BNC2: variants seen among roughly 807,000 people sequenced by gnomAD.
BNC2 encodes basonuclin zinc finger protein 2.
Under a neutral mutation model 76.3 loss-of-function variants are expected in BNC2, and 20 were observed. The observed-to-expected ratio is 0.26, with a 90% CI of 0.18 to 0.38. The LOEUF (loss-of-function observed/expected upper bound fraction) is 0.38. Among genes scored for constraint, BNC2 ranks in the 10% least tolerant of loss-of-function variants. BNC2 has a pLI of 1.00. For synonymous variants in BNC2, 582 were observed against 514.8 expected, an observed-to-expected ratio of 1.13 and a Z score of -1.77; for missense variants, 1,382 against 1,399.8, an observed-to-expected ratio of 0.99 and a Z score of 0.20.
At chr9:16,677,652 C>T (rs967686791) in intron 3 of BNC2, among the ~76,000 whole-genome samples, 2 of 150,438 alleles carry the variant, frequency 1.3e-5, no homozygotes, top group Admixed American at 6.6e-5. Context: ...ACTTCAAACA[C>T]GTCTCAAGTT....
At chr9:16,743,402 C>T (rs1353220301) in intron 1 of BNC2, among the ~76,000 whole-genome samples, 1 of 152,162 alleles carries the variant, frequency 6.6e-6, no homozygotes, top group Non-Finnish European at 1.5e-5. Flanking sequence ...CCTGGTTCTA[C>T]CCCTCTGAAA....
intron 5 of BNC2, among the ~76,000 whole-genome samples, chr9:16,458,633 A>T (rs1446209694): frequency 2.6e-5 from 4 of 152,256 alleles, no homozygotes; most frequent in Non-Finnish European, 5.9e-5. Context: ...TGTACAAAAA[A>T]CATTTCCTAC....
intron 4 of BNC2, among the ~76,000 whole-genome samples, chr9:16,580,621 C>T (rs1286948220): frequency 6.6e-6 from 1 of 152,050 alleles, no homozygotes; most frequent in African/African-American, 2.4e-5. Context: ...ATGTAATATG[C>T]ACATGGACAT....
In BNC2 at chr9:16,410,857, A is replaced by C. The variant is rs1047659862; in HGVS notation, c.*8132T>G. The C allele has an allele frequency of 6.6e-6, 1 of 152,248 alleles. No individual in the cohort carries two copies. Among genetic ancestry groups the C allele is most frequent in the Non-Finnish European group, 1.5e-5 (1 of 68,084 alleles). The allele number at this position is 152,248 out of a possible 1,614,324, so 9.4% of individuals were successfully genotyped here. ...GCAAAAATACTCCAAATTGGGGACTAGATTTAAAAAAAGAAACAGCCTTGG... is the reference window on the plus strand; with the variant it reads ...GCAAAAATACTCCAAATTGGGGACTCGATTTAAAAAAAGAAACAGCCTTGG... On this transcript the variant is annotated 3_prime_UTR_variant, in exon 7 of 7. Coordinates refer to ENST00000380672, the MANE Select transcript of BNC2 (RefSeq NM_017637.6).
At chr9:16,599,776 C>G (rs1403045689) in intron 3 of BNC2, among the ~76,000 whole-genome samples, 1 of 152,074 alleles carries the variant, frequency 6.6e-6, no homozygotes, top group Non-Finnish European at 1.5e-5. Flanking sequence ...GAGCGAGTCT[C>G]CATGTCAAAA....
At position 16,515,303 on chromosome 9, in the gene BNC2, G is replaced by A. The variant is rs190955274; in HGVS notation, c.669+37227C>T. Among the ~76,000 whole-genome samples the A allele has an allele frequency of 2.3e-4, 35 of 152,292 alleles. 1 individual carries two copies. The highest frequency in any genetic ancestry group is 1.9e-3 in the Admixed American group (29 of 15,298). On this transcript the variant is annotated intron_variant, in intron 5 of 6. Transcript: ENST00000380672. ...ACCTGAACACTGCATCCCTGCGCCC[G>A]GTGAGAAGAGGATCAATGACTGTGT...
intron 3 of BNC2, among the ~76,000 whole-genome samples, chr9:16,612,427 T>A (rs1820574551): frequency 6.6e-6 from 1 of 152,148 alleles, no homozygotes; most frequent in South Asian, 2.1e-4. Flanking sequence ...CATATTTCCA[T>A]TTTCCATCCT....
chr9:16,855,318 T>G (rs192943105), intron 1 of BNC2, among the ~76,000 whole-genome samples: 80 of 152,354 alleles, frequency 5.3e-4, no homozygotes, highest in African/African-American at 1.8e-3. Context: ...TACCAGTGAA[T>G]TTTGTGCTCT....
intron 5 of BNC2, among the ~76,000 whole-genome samples, chr9:16,462,679 G>A (rs1438568281): frequency 3.3e-5 from 5 of 152,114 alleles, no homozygotes; most frequent in Non-Finnish European, 4.4e-5. Context: ...TGGAAATGGC[G>A]GGGGAGACAG....
intron 3 of BNC2, among the ~76,000 whole-genome samples, chr9:16,679,698 T>C (rs1247697711): frequency 1.3e-5 from 2 of 152,192 alleles, no homozygotes; most frequent in African/African-American, 4.8e-5. Context: ...CTCCATTGCT[T>C]AGCACCTCTC....
intron 3 of BNC2, among the ~76,000 whole-genome samples, chr9:16,659,565 A>G (rs1021243649): frequency 2.0e-5 from 3 of 146,914 alleles, no homozygotes; most frequent in Non-Finnish European, 3.0e-5. Context: ...CCGAGATTGC[A>G]CCACTGCACT....
intron 5 of BNC2, among the ~76,000 whole-genome samples, chr9:16,496,818 G>C (rs1448017791): frequency 2.0e-5 from 3 of 152,130 alleles, no homozygotes; most frequent in Non-Finnish European, 1.5e-5. Context: ...ATTCAAATAT[G>C]TCTATTCAAG....
rs1464705099 is a variant in BNC2 at position 16,760,862 on chromosome 9, T to C, written c.4-22377A>G. On this transcript the variant is annotated intron_variant, in intron 1 of 6. Transcript: ENST00000380672. ...GGGAAACAGGGGAAAAAATAATGAG[T>C]GCTGCAGCATTTCTTTAAAAAAAGA... Among the ~76,000 whole-genome samples, 5 of 151,700 alleles carry C rather than the reference T, an allele frequency of 3.3e-5. No individual in the cohort carries two copies. The South Asian group carries it at 8.4e-4, about 25-fold the overall frequency.
At chr9:16,497,246 T>A (rs748876584) in intron 5 of BNC2, among the ~76,000 whole-genome samples, 1 of 152,206 alleles carries the variant, frequency 6.6e-6, no homozygotes, top group East Asian at 1.9e-4. Flanking sequence ...TAGGCCTAAT[T>A]TCTAGATATT....
At chr9:16,430,956 T>C (rs191298807) in intron 6 of BNC2, among the ~76,000 whole-genome samples, 1 of 152,360 alleles carries the variant, frequency 6.6e-6, no homozygotes, top group East Asian at 1.9e-4. Flanking sequence ...TTTATTCATA[T>C]GGCTAAATCA....
chr9:16,425,480 TCTCCTGAGAAGCCATTTAA>T (rs1820787189), intron 6 of BNC2, among the ~76,000 whole-genome samples: 1 of 152,198 alleles, frequency 6.6e-6, no homozygotes, highest in African/African-American at 2.4e-5. Context: ...AAGGGGCGAT[TCTCCTGAGAAGCCATTTAA>T]CTTTGCAGGG....
At chr9:16,441,933 C>A (rs78077756) in intron 5 of BNC2, among the ~76,000 whole-genome samples, 4 of 152,136 alleles carry the variant, frequency 2.6e-5, no homozygotes, top group African/African-American at 9.7e-5. Context: ...TAGGCTAGGA[C>A]GAAGATCCCA....
At chr9:16,659,111 T>C (rs1402090181) in intron 3 of BNC2, among the ~76,000 whole-genome samples, 1 of 150,870 alleles carries the variant, frequency 6.6e-6, no homozygotes, top group Non-Finnish European at 1.5e-5. Context: ...AATGGATGGA[T>C]AGATGGACAG....
chr9:16,851,275 A>G (rs1388503870), intron 1 of BNC2, among the ~76,000 whole-genome samples: 1 of 152,156 alleles, frequency 6.6e-6, no homozygotes, highest in African/African-American at 2.4e-5. Flanking sequence ...TGGGAGGCCA[A>G]GGCAGGAGGA....
Sources: allele counts gnomAD v4.1 joint callset (sites outside exome capture counted in the v4.1 genomes callset), GRCh38; gene constraint gnomAD v4.1.1; transcripts MANE v1.5; gene names NCBI Gene and HGNC (gene_info 2026-07-23, HGNC 2026-07-21).